Variants in LRRC1 observed in about 807,000 individuals in gnomAD.
The protein encoded by LRRC1 is leucine-rich repeat-containing protein 1.
Under a neutral mutation model 69.9 loss-of-function variants are expected in LRRC1, and 28 were observed. The observed-to-expected ratio is 0.40, with a 90% confidence interval of 0.30 to 0.55. The LOEUF (loss-of-function observed/expected upper bound fraction) is 0.55, where lower values mean the gene tolerates loss of function less well. LRRC1 is among the 20% of genes least tolerant of loss of function. LRRC1 has a pLI of 0.47. For synonymous variants in LRRC1, 236 were observed against 240.2 expected, an observed-to-expected ratio of 0.98 and a Z score of 0.16; for missense variants, 498 against 609.0, an observed-to-expected ratio of 0.82 and a Z score of 1.92.
intron 1 of LRRC1, among the ~76,000 whole-genome samples, chr6:53,840,951 T>C (rs896382963): frequency 6.7e-6 from 1 of 149,628 alleles, no homozygotes; most frequent in African/African-American, 2.4e-5. Flanking sequence ...TTCTCTTTCT[T>C]GCATGTGGCA....
At chr6:53,798,781 A>C (rs1306224502) in intron 1 of LRRC1, among the ~76,000 whole-genome samples, 4 of 152,254 alleles carry the variant, frequency 2.6e-5, no homozygotes, top group Admixed American at 2.6e-4. Context: ...ATCTTATAAA[A>C]ATCTTCCTCC....
At chr6:53,814,279 TA>T (rs1188347495) in intron 1 of LRRC1, among the ~76,000 whole-genome samples, 4 of 152,132 alleles carry the variant, frequency 2.6e-5, no homozygotes, top group African/African-American at 4.8e-5. Context: ...TGAAACTTTT[TA>T]AAAAAAATTA....
intron 1 of LRRC1, among the ~76,000 whole-genome samples, chr6:53,819,928 G>A (rs1422017019): frequency 2.0e-5 from 3 of 152,148 alleles, no homozygotes; most frequent in African/African-American, 7.2e-5. Context: ...TGAGTTTATA[G>A]TTCAGTTAGT....
At chr6:53,861,755 C>T (rs1766532929) in intron 2 of LRRC1, among the ~76,000 whole-genome samples, 1 of 151,794 alleles carries the variant, frequency 6.6e-6, no homozygotes. Flanking sequence ...TGTGTGTTAC[C>T]CAGAGAAGGT....
chr6:53,812,121 C>G (rs1454149540), intron 1 of LRRC1, among the ~76,000 whole-genome samples: 1 of 152,232 alleles, frequency 6.6e-6, no homozygotes, highest in Non-Finnish European at 1.5e-5. Flanking sequence ...AAGGCCCCAT[C>G]ATGGGCAGCC....
intron 1 of LRRC1, among the ~76,000 whole-genome samples, chr6:53,840,870 G>T (rs1245579904): frequency 6.7e-6 from 1 of 149,206 alleles, no homozygotes; most frequent in Non-Finnish European, 1.5e-5. Flanking sequence ...CCTCTGGGGT[G>T]GGGGGGTATG....
intron 2 of LRRC1, among the ~76,000 whole-genome samples, chr6:53,850,399 C>T (rs982064362): frequency 1.3e-5 from 2 of 152,034 alleles, no homozygotes; most frequent in South Asian, 2.1e-4. Flanking sequence ...TGTCATTTGT[C>T]GTTTGTTAGA....
At chr6:53,833,363 C>T (rs916797404) in intron 1 of LRRC1, among the ~76,000 whole-genome samples, 2 of 152,114 alleles carry the variant, frequency 1.3e-5, no homozygotes, top group South Asian at 4.1e-4. Context: ...TGGGGGGCAA[C>T]CTTGGGGCAT....
At chr6:53,810,432 A>G (rs1033036788) in intron 1 of LRRC1, among the ~76,000 whole-genome samples, 4 of 152,156 alleles carry the variant, frequency 2.6e-5, no homozygotes, top group Admixed American at 2.6e-4. Flanking sequence ...CATCTTGGCT[A>G]ACATGGTGAA....
At chr6:53,907,007 C>A (rs1768262607) in intron 10 of LRRC1, among the ~76,000 whole-genome samples, 1 of 152,338 alleles carries the variant, frequency 6.6e-6, no homozygotes, top group Admixed American at 6.5e-5. Context: ...CTCTGACCAT[C>A]AGGGCTGAGC....
chr6:53,903,319 C>G (rs1315797206), intron 9 of LRRC1, among the ~76,000 whole-genome samples: 1 of 151,466 alleles, frequency 6.6e-6, no homozygotes, highest in African/African-American at 2.4e-5. Context: ...AGGCTCCCAC[C>G]AGACAAGGGC....
intron 10 of LRRC1, among the ~76,000 whole-genome samples, chr6:53,908,694 TC>T (rs1423933539): frequency 2.0e-5 from 3 of 152,310 alleles, no homozygotes; most frequent in Admixed American, 1.3e-4. Flanking sequence ...GCCTTTACTT[TC>T]TTGAAAGGGG....
At chr6:53,872,752 C>CTTT (rs537186693) in intron 2 of LRRC1, among the ~76,000 whole-genome samples, 246 of 106,342 alleles carry the variant, frequency 2.3e-3, no homozygotes, top group African/African-American at 3.2e-3. Flanking sequence ...TTTCTTTTCT[C>CTTT]TTTTTTTTTT....
At chr6:53,827,046 C>CAAAT (rs1343997555) in intron 1 of LRRC1, among the ~76,000 whole-genome samples, 3 of 152,174 alleles carry the variant, frequency 2.0e-5, no homozygotes, top group Non-Finnish European at 2.9e-5. Flanking sequence ...TAAGAATTAA[C>CAAAT]TGGGAACATT....
At chr6:53,798,581 A>G (rs1490319808) in intron 1 of LRRC1, among the ~76,000 whole-genome samples, 2 of 152,080 alleles carry the variant, frequency 1.3e-5, no homozygotes, top group Non-Finnish European at 1.5e-5. Context: ...GGGTTTCACC[A>G]TGTTAGCCAG....
chr6:53,900,018 CTGTTTTTTTTTTTTT>C, intron 8 of LRRC1, 127 bp downstream of exon 8: 2 of 283,936 alleles, frequency 7.0e-6, no homozygotes, highest in African/African-American at 3.2e-5. Flanking sequence ...AGTCTCCTTA[CTGTTTTTTTTTTTTT>C]TTTTTTTTTT....
At chr6:53,795,789 T>C (rs1581834233) in intron 1 of LRRC1, among the ~76,000 whole-genome samples, 1 of 151,734 alleles carries the variant, frequency 6.6e-6, no homozygotes, top group Non-Finnish European at 1.5e-5. Flanking sequence ...CACTGCATCC[T>C]CCCCCCCTCC....
At chr6:53,906,887 T>C (rs1367097441) in intron 10 of LRRC1, among the ~76,000 whole-genome samples, 9 of 152,342 alleles carry the variant, frequency 5.9e-5, no homozygotes, top group Middle Eastern at 3.4e-3. Context: ...CTAGATCACC[T>C]CCTACTTACA....
At position 53,913,906 on chromosome 6, in the gene LRRC1, C is replaced by A. The variant is rs1768490203; in HGVS notation, c.1043C>A (p.Thr348Asn). ...TTCTGTGTACGTGACAACAGACTAA[C>A]TCGGATACCTGCAGAGGTGTCACAG... ...TVFCVRDNRLTRIPAEVSQAT... is the reference protein window; with the variant it reads ...TVFCVRDNRLNRIPAEVSQAT... Residue 348 changes from threonine to asparagine, a missense_variant, in exon 11 of 14, where the codon ACT becomes AAT. Thr to Asn is a moderately conservative substitution (Grantham distance 65, BLOSUM62 0). Transcript: ENST00000370888. 6.2e-7 allele frequency: 1 copy of A among 1,612,840 alleles called. No homozygotes were observed. Among genetic ancestry groups the A allele is most frequent in the African/African-American group, 1.3e-5 (1 of 74,962 alleles).
Sources: allele counts gnomAD v4.1 joint callset (sites outside exome capture counted in the v4.1 genomes callset), GRCh38; gene constraint gnomAD v4.1.1; transcripts MANE v1.5; gene names NCBI Gene and HGNC (gene_info 2026-07-23, HGNC 2026-07-21).